Variants in TLE5 observed in about 807,000 individuals in gnomAD.
TLE5 encodes TLE family member 5.
TLE5 carries 7 observed loss-of-function variants against 25.8 expected under a neutral mutation model. That is an observed-to-expected ratio of 0.27 (90% confidence interval 0.15 to 0.51). TLE5 has a LOEUF of 0.51. TLE5 is among the 20% of genes least tolerant of loss of function. The probability of loss-of-function intolerance (pLI) is 0.97; values close to 1 mark genes in which losing one functional copy is unlikely to be tolerated. For synonymous variants in TLE5, 132 were observed against 110.5 expected (o/e 1.20, Z -1.22); for missense variants, 149 against 250.7 (o/e 0.59, Z 2.74).
intron 1 of TLE5, chr19:3,061,515 C>T: frequency 3.5e-6 from 1 of 287,538 alleles, no homozygotes; most frequent in African/African-American, 2.3e-5. Context: ...TTTTAAGGCC[C>T]GCCCTAGATG....
chr19:3,058,129 AG>A (rs1404588508), intron 2 of TLE5, among the ~76,000 whole-genome samples: 2 of 152,052 alleles, frequency 1.3e-5, no homozygotes, highest in African/African-American at 2.4e-5. Context: ...GGAGAGCATC[AG>A]GGCCCCTGAC....
chr19:3,062,237 T>C lies in TLE5; in HGVS notation c.-37A>G. ...CGGGGGGCGCGGGCTGCGCCCCGGC[T>C]GTGCGCCCCGGCTCGGGCTGCTGGG... is the stretch of plus-strand genomic sequence containing the variant. On this transcript the variant is annotated 5_prime_UTR_variant, in exon 1 of 7. Transcript: ENST00000327141. 1 of 1,096,650 alleles carries C rather than the reference T, an allele frequency of 9.1e-7. No homozygotes were observed. The allele number at this position is 1,096,650 out of a possible 1,614,324, so 67.9% of individuals were successfully genotyped here. A position where few individuals can be genotyped will look rare whatever the true frequency, so the allele number is the denominator to read the frequency against.
Position 3,053,705 on chromosome 19 carries a change from A to G in TLE5, c.*114T>C, listed in dbSNP as rs560423439. On this transcript the variant is annotated 3_prime_UTR_variant, in exon 7 of 7. Transcript: ENST00000327141. ...CCCGCCGGCGGCCACCATAAATACT[A>G]TGGGAGTTTAGCCAATCCCGAGCTC... 3.4e-5 allele frequency: 42 copies of G among 1,229,906 alleles called. No homozygotes were observed. The African/African-American group carries it at 5.4e-4, about 16-fold the overall frequency. 76.2% of individuals were successfully genotyped at this position (1,229,906 alleles called of 1,614,324 possible). A position where few individuals can be genotyped will look rare whatever the true frequency, so the allele number is the denominator to read the frequency against.
intron 2 of TLE5, among the ~76,000 whole-genome samples, chr19:3,059,378 C>T (rs527875463): frequency 2.6e-5 from 4 of 151,962 alleles, no homozygotes; most frequent in South Asian, 2.1e-4. Flanking sequence ...AAAAATTAGC[C>T]GGGTGTGGTG....
At chr19:3,058,299 C>T (rs556487609) in intron 2 of TLE5, among the ~76,000 whole-genome samples, 2 of 152,242 alleles carry the variant, frequency 1.3e-5, no homozygotes, top group Non-Finnish European at 2.9e-5. Flanking sequence ...CCGACGAGGC[C>T]CGCAACGTCA....
At chr19:3,054,086 T>TGGGGGGGGGGGCCC in intron 6 of TLE5, 34 bp downstream of exon 6, 5 of 1,512,762 alleles carry the variant, frequency 3.3e-6, no homozygotes, top group Non-Finnish European at 4.5e-6. Context: ...GGCCCACCTG[T>TGGGGGGGGGGGCCC]CCCCCGCCCA....
In TLE5 at chr19:3,062,163, G is replaced by A. The variant is rs1052642421; in HGVS notation, c.27+11C>T. Reference sequence around the variant, plus strand: ...CGGGGTGGGGGCGCCGGCCGGACGGGCCCCGCTTACCGAATGCCTGCTTTG... The same window carrying A: ...CGGGGTGGGGGCGCCGGCCGGACGGACCCCGCTTACCGAATGCCTGCTTTG... On this transcript the variant is annotated intron_variant, in intron 1 of 6. Transcript: ENST00000327141. 2 of 1,163,546 alleles carry A rather than the reference G, an allele frequency of 1.7e-6. No homozygotes were observed. The highest frequency in any genetic ancestry group is 2.1e-6 in the Non-Finnish European group (2 of 942,042). 72.1% of individuals were successfully genotyped at this position (1,163,546 alleles called of 1,614,324 possible). A position where few individuals can be genotyped will look rare whatever the true frequency, so the allele number is the denominator to read the frequency against.
chr19:3,060,493 C>T (rs1416826316), intron 2 of TLE5, among the ~76,000 whole-genome samples: 1 of 151,822 alleles, frequency 6.6e-6, no homozygotes, highest in Non-Finnish European at 1.5e-5. Flanking sequence ...CCACCACACC[C>T]AGCTAACTAT....
At position 3,053,695 on chromosome 19, in the gene TLE5, C is replaced by CA. The variant is rs1219833446; in HGVS notation, c.*123dup. 8.4e-7 allele frequency: 1 copy of CA among 1,184,304 alleles called. No individual in the cohort carries two copies. Among genetic ancestry groups the CA allele is most frequent in the Non-Finnish European group, 1.2e-6 (1 of 857,866 alleles). The allele number at this position is 1,184,304 out of a possible 1,614,324, so 73.4% of individuals were successfully genotyped here. A position where few individuals can be genotyped will look rare whatever the true frequency, so the allele number is the denominator to read the frequency against. ...GGCTGGGGCCCCCGCCGGCGGCCAC[C>CA]ATAAATACTATGGGAGTTTAGCCAA... On this transcript the variant is annotated 3_prime_UTR_variant, in exon 7 of 7. Coordinates refer to ENST00000327141, the MANE Select transcript of TLE5 (RefSeq NM_001130.6).
chr19:3,053,711 G>T lies in TLE5; in HGVS notation c.*108C>A. 1 of 1,308,310 alleles carries T rather than the reference G, an allele frequency of 7.6e-7. No homozygotes were observed. Among genetic ancestry groups the T allele is most frequent in the East Asian group, 2.5e-5 (1 of 40,230 alleles). The allele number at this position is 1,308,310 out of a possible 1,614,324, so 81.0% of individuals were successfully genotyped here. A position where few individuals can be genotyped will look rare whatever the true frequency, so the allele number is the denominator to read the frequency against. ...GGCGGCCACCATAAATACTATGGGA[G>T]TTTAGCCAATCCCGAGCTCCGCTGT... On this transcript the variant is annotated 3_prime_UTR_variant, in exon 7 of 7. Transcript: ENST00000327141.
chr19:3,062,622 C>T, upstream of TLE5: 1 of 1,150,362 alleles, frequency 8.7e-7, no homozygotes, highest in Non-Finnish European at 1.1e-6. Context: ...GCCCGCCTCC[C>T]CGTGGCCCGC....
At position 3,053,464 on chromosome 19, in the gene TLE5, G is replaced by C. The variant is rs1384626035; in HGVS notation, c.*355C>G. 1 of 321,322 alleles carries C rather than the reference G, an allele frequency of 3.1e-6. No individual in the cohort carries two copies. The highest frequency in any genetic ancestry group is 2.1e-5 in the African/African-American group (1 of 47,028). The allele number at this position is 321,322 out of a possible 1,614,324, so 19.9% of individuals were successfully genotyped here. Reference sequence around the variant, plus strand: ...AGGGCTGTGGCCCAGGCAGACTGTCGGTTACACATGTTCAAAACGGGGGAA... The same window carrying C: ...AGGGCTGTGGCCCAGGCAGACTGTCCGTTACACATGTTCAAAACGGGGGAA... On this transcript the variant is annotated 3_prime_UTR_variant, in exon 7 of 7. Coordinates refer to ENST00000327141, the MANE Select transcript of TLE5 (RefSeq NM_001130.6).
chr19:3,055,761 G>C (rs1269643242), intron 4 of TLE5, 35 bp from the exon 5 acceptor site: 3 of 1,574,542 alleles, frequency 1.9e-6, no homozygotes, highest in Admixed American at 3.8e-5. Flanking sequence ...TTCAGTCCTG[G>C]GCGGGTGGCA....
Position 3,053,572 on chromosome 19 carries a change from C to G in TLE5, c.*247G>C. On this transcript the variant is annotated 3_prime_UTR_variant, in exon 7 of 7. Transcript: ENST00000327141. ...TGACCCTCCAGGCCTTAGCTTGCCT[C>G]ACATGTCAGGGCAGGTATCCACCTA... 1 of 574,644 alleles carries G rather than the reference C, an allele frequency of 1.7e-6. No homozygotes were observed. Among genetic ancestry groups the G allele is most frequent in the East Asian group, 2.9e-5 (1 of 34,368 alleles). 35.6% of individuals were successfully genotyped at this position (574,644 alleles called of 1,614,324 possible). A position where few individuals can be genotyped will look rare whatever the true frequency, so the allele number is the denominator to read the frequency against.
intron 5 of TLE5, 85 bp from the exon 6 acceptor site, chr19:3,054,279 A>T (rs2090199798): frequency 7.4e-7 from 1 of 1,343,480 alleles, no homozygotes; most frequent in South Asian, 1.2e-5. Context: ...GGCCAGGAGG[A>T]GCCCCACTAC....
intron 1 of TLE5, among the ~76,000 whole-genome samples, chr19:3,061,866 C>G (rs2090271827): frequency 1.5e-5 from 2 of 131,418 alleles, no homozygotes; most frequent in South Asian, 2.8e-4. Flanking sequence ...CCGTCCGAGG[C>G]CCTGACTGTC....
chr19:3,062,045 G>T (rs2090275202), intron 1 of TLE5, 129 bp downstream of exon 1: 1 of 245,876 alleles, frequency 4.1e-6, no homozygotes, highest in Non-Finnish European at 7.0e-6. Context: ...CAGGGCCGGG[G>T]AGTTGGGGGG....
upstream of TLE5, chr19:3,062,937 GC>G: frequency 2.3e-6 from 2 of 885,482 alleles, no homozygotes; most frequent in South Asian, 2.9e-5. Context: ...TTTATAGAAC[GC>G]CTACTGTGTG....
chr19:3,061,763 T>C (rs2090270678), intron 1 of TLE5, among the ~76,000 whole-genome samples: 1 of 148,564 alleles, frequency 6.7e-6, no homozygotes, highest in Non-Finnish European at 1.5e-5. Context: ...GGGGTGCGCC[T>C]CGGATCACCC....
Sources: gnomAD v4.1 joint callset for allele counts (sites outside exome capture counted in the v4.1 genomes callset) on GRCh38, gnomAD v4.1.1 for gene constraint, MANE v1.5 for transcripts, NCBI Gene and HGNC (gene_info 2026-07-23, HGNC 2026-07-21) for gene names.